MUC17: variants seen among roughly 807,000 people sequenced by gnomAD.
MUC17 encodes mucin-17.
In MUC17, 190 loss-of-function variants were observed where a neutral mutation model predicts 170.3. The ratio of observed to expected loss-of-function variants is 1.12; its 90% CI spans 0.99 to 1.26. The LOEUF (loss-of-function observed/expected upper bound fraction) is 1.26, where lower values mean the gene tolerates loss of function less well. Among genes scored for constraint, MUC17 ranks in the 50% most tolerant of loss-of-function variants. The pLI, the probability that MUC17 is intolerant of heterozygous loss-of-function variation, is 0.00. For missense variants in MUC17, 6,415 were observed against 5,530.0 expected (o/e 1.16, Z -5.08); for synonymous variants, 2,325 against 2,002.5 (o/e 1.16, Z -4.30).
At chr7:101,048,681 G>C (rs999322571) in intron 4 of MUC17, among the ~76,000 whole-genome samples, 164 bp from the exon 5 acceptor site, 38 of 151,874 alleles carry the variant, frequency 2.5e-4, no homozygotes, top group African/African-American at 9.2e-4. Context: ...TGAATAAAAA[G>C]GAAAGAAAAG....
In MUC17 at chr7:101,041,475, C is replaced by T. The variant is rs780193201; in HGVS notation, c.10059C>T (p.Val3353=). The change falls in exon 3 of 13, where the codon GTC becomes GTT. Residue 3353 remains valine (V), a synonymous_variant. Transcript: ENST00000306151. ...TGTCTTTCAGCACCACGCCAGTGGT[C>T]AGTTCTGAGGCTAGCACCCTTTCCA... ...TNMSFSTTPV[V]SSEASTLSTT... 2 of 1,614,084 alleles carry T rather than the reference C, an allele frequency of 1.2e-6. No homozygotes were observed. Among genetic ancestry groups the T allele is most frequent in the South Asian group, 2.2e-5 (2 of 91,076 alleles).
chr7:101,035,898 A>T lies in MUC17; in HGVS notation c.4482A>T (p.Ser1494=). ...SPVVTSTAVS[S]SPTPAEGTSI... ...TGGTCACTTCTACAGCAGTCAGTTC[A>T]TCTCCTACACCTGCTGAAGGTACCA... Residue 1494 remains serine (S), a synonymous_variant, in exon 3 of 13, where the codon TCA becomes TCT. Transcript: ENST00000306151. The T allele has an allele frequency of 6.2e-7, 1 of 1,611,884 alleles. No individual in the cohort carries two copies. Among genetic ancestry groups the T allele is most frequent in the Non-Finnish European group, 8.5e-7 (1 of 1,178,828 alleles).
chr7:101,056,371 T>C (rs1307687156), intron 12 of MUC17, 101 bp downstream of exon 12: 1 of 1,518,160 alleles, frequency 6.6e-7, no homozygotes, highest in Non-Finnish European at 8.9e-7. Context: ...GAACCATGTT[T>C]ACAGTTTATT....
rs879200163 is a variant in MUC17 at position 101,038,590 on chromosome 7, T to C, written c.7174T>C (p.Tyr2392His). Residue 2392 changes from tyrosine (Y) to histidine (H), a missense_variant, in exon 3 of 13, where the codon TAT becomes CAT. Coordinates refer to ENST00000306151, the MANE Select transcript of MUC17 (RefSeq NM_001040105.2). ...CGATACTAGCATGCCAACCTCAACT[T>C]ATAGTGAAGGAAGCACTCCACTAAC... The part of the protein sequence containing the change: ...ADDTSMPTST[Y>H]SEGSTPLTSV... 5.9e-5 allele frequency: 95 copies of C among 1,612,996 alleles called. No homozygotes were observed. Among genetic ancestry groups the C allele is most frequent in the Non-Finnish European group, 7.5e-5 (88 of 1,179,776 alleles).
Position 101,053,452 on chromosome 7 carries a change from T to C in MUC17, c.13363+16T>C, listed in dbSNP as rs1037634069. 4.8e-5 allele frequency: 77 copies of C among 1,603,636 alleles called. No individual in the cohort carries two copies. The highest frequency in any genetic ancestry group is 6.3e-5 in the Non-Finnish European group (74 of 1,171,346). On this transcript the variant is annotated intron_variant, in intron 11 of 12. Transcript: ENST00000306151. The stretch of plus-strand genomic sequence containing the variant: ...ATCTGCCAAGGTATTGGCCTTCCTC[T>C]CTGAACTCAGAATGGCTCAAAATGT...
At chr7:101,022,748 C>T (rs991911065) in intron 1 of MUC17, among the ~76,000 whole-genome samples, 16 of 151,858 alleles carry the variant, frequency 1.1e-4, no homozygotes, top group African/African-American at 3.9e-4. Context: ...CCTGGGAGGT[C>T]GAGGCTGCAG....
chr7:101,020,452 C>T (rs1179360061), intron 1 of MUC17, among the ~76,000 whole-genome samples: 1 of 152,162 alleles, frequency 6.6e-6, no homozygotes, highest in Admixed American at 6.5e-5. Context: ...CCTTAGTTTC[C>T]CCTTCCGAGC....
chr7:101,045,829 G>A (rs756101887), intron 3 of MUC17, among the ~76,000 whole-genome samples: 2 of 152,192 alleles, frequency 1.3e-5, no homozygotes, highest in East Asian at 1.9e-4. Context: ...AGGAAGCCTC[G>A]TAGGTGTCTC....
intron 1 of MUC17, among the ~76,000 whole-genome samples, chr7:101,029,000 C>G (rs767524000): frequency 2.0e-5 from 3 of 151,976 alleles, no homozygotes; most frequent in Non-Finnish European, 2.9e-5. Flanking sequence ...CCAGCCTGAC[C>G]AACGTGGAGA....
rs1794455837 is a variant in MUC17, at chr7:101,035,763, T to G, written c.4347T>G (p.Thr1449=). Residue 1449 remains threonine (T), a synonymous_variant, in exon 3 of 13, where the codon ACT becomes ACG. Coordinates refer to ENST00000306151, the MANE Select transcript of MUC17 (RefSeq NM_001040105.2). ...AAGGTATCAGCATACCAACCTCAAC[T>G]CCTAGTGAAGGAAAGACTCCATTAA... is the stretch of plus-strand genomic sequence containing the variant. The part of the protein sequence containing the change: ...TAEGISIPTS[T]PSEGKTPLKS... 5.6e-6 allele frequency: 9 copies of G among 1,610,488 alleles called. No individual in the cohort carries two copies. The East Asian group carries it at 1.6e-4, about 28-fold the overall frequency.
intron 3 of MUC17, among the ~76,000 whole-genome samples, chr7:101,046,294 G>C (rs1251766929): frequency 1.3e-5 from 2 of 152,102 alleles, no homozygotes; most frequent in Non-Finnish European, 2.9e-5. Flanking sequence ...TACATACCTC[G>C]TGCACTTCCC....
At position 101,037,191 on chromosome 7, in the gene MUC17, G is replaced by A. The variant is rs780248745; in HGVS notation, c.5775G>A (p.Arg1925=). 3 of 1,561,498 alleles carry A rather than the reference G, an allele frequency of 1.9e-6. No individual in the cohort carries two copies. The highest frequency in any genetic ancestry group is 2.4e-5 in the South Asian group (2 of 83,190). The part of the protein sequence containing the change: ...SMPTSTPREG[R]PPLTSIPVST... ...CAACCTCAACTCCTAGGGAAGGAAG[G>A]CCTCCATTAACAAGTATACCTGTCA... The change falls in exon 3 of 13, where the codon AGG becomes AGA. Residue 1925 remains arginine, a synonymous_variant. Transcript: ENST00000306151.
At position 101,049,378 on chromosome 7, in the gene MUC17, C is replaced by G; in HGVS notation, c.12718C>G (p.Leu4240Val). Residue 4240 changes from leucine (L) to valine (V), a missense_variant, in exon 6 of 13, where the codon CTA becomes GTA. Transcript: ENST00000306151. ...GTATGTCGGGGTGAACATCACAAAGCTACGGTAAGTGTCTGGGCCCTTGGG... is the reference window on the plus strand; with the variant it reads ...GTATGTCGGGGTGAACATCACAAAGGTACGGTAAGTGTCTGGGCCCTTGGG... ...PEYVGVNITK[L>V]RLGSVVVEHD... 6.2e-7 allele frequency: 1 copy of G among 1,612,232 alleles called. No homozygotes were observed. The highest frequency in any genetic ancestry group is 8.5e-7 in the Non-Finnish European group (1 of 1,179,082).
Position 101,036,810 on chromosome 7 carries a change from A to T in MUC17, c.5394A>T (p.Ile1798=). The T allele has an allele frequency of 6.2e-7, 1 of 1,605,114 alleles. No homozygotes were observed. Among genetic ancestry groups the T allele is most frequent in the Non-Finnish European group, 8.5e-7 (1 of 1,175,530 alleles). Residue 1798 remains isoleucine, a synonymous_variant, in exon 3 of 13, where the codon ATA becomes ATT. Transcript: ENST00000306151. ...CTACAACTGCTGAAGGTACCAGCAT[A>T]CCAACCTCGACTCTTAGTGAAGGAA... ...SSPTTAEGTS[I]PTSTLSEGMT... is the part of the protein sequence containing the mutation.
chr7:101,035,732 C>T lies in MUC17; in HGVS notation c.4316C>T (p.Thr1439Ile), dbSNP rs1161904731. The change falls in exon 3 of 13, where the codon ACT (threonine) becomes ATT (isoleucine). Residue 1439 changes from threonine to isoleucine, a missense_variant. Thr to Ile is a moderately conservative substitution (Grantham distance 89). Coordinates refer to ENST00000306151, the MANE Select transcript of MUC17 (RefSeq NM_001040105.2). The stretch of plus-strand genomic sequence containing the variant: ...GCTGAAGCCACTTCATCTCCTACAA[C>T]TGCTGAAGGTATCAGCATACCAACC... Reference protein sequence around the residue: ...TSAEATSSPTTAEGISIPTST... With the variant: ...TSAEATSSPTIAEGISIPTST... 2 of 1,610,730 alleles carry T rather than the reference C, an allele frequency of 1.2e-6. No homozygotes were observed. The highest frequency in any genetic ancestry group is 1.7e-5 in the Admixed American group (1 of 59,888).
rs201778972 is a variant in MUC17, at chr7:101,049,418, C to T, written c.12722+36C>T. 1.2e-4 allele frequency: 187 copies of T among 1,594,794 alleles called. No homozygotes were observed. The East Asian group carries it at 2.2e-3, about 19-fold the overall frequency. On this transcript the variant is annotated intron_variant, in intron 6 of 12. Coordinates refer to ENST00000306151, the MANE Select transcript of MUC17 (RefSeq NM_001040105.2). Reference sequence around the variant, plus strand: ...GGGCCCTTGGGAAGAGGGTCTGTGGCGTGGAAGCAGTGGTCATAGTTATAA... The same window carrying T: ...GGGCCCTTGGGAAGAGGGTCTGTGGTGTGGAAGCAGTGGTCATAGTTATAA...
chr7:101,037,283 C>T lies in MUC17; in HGVS notation c.5867C>T (p.Pro1956Leu). ...ACAACTCTTGCTGACACCAGGACAC[C>T]TGTGACCACTTATTCTCAAGCCAGT... is the stretch of plus-strand genomic sequence containing the variant. Reference protein sequence around the residue: ...LSTTLADTRTPVTTYSQASSS... With the variant: ...LSTTLADTRTLVTTYSQASSS... Residue 1956 changes from proline to leucine, a missense_variant, in exon 3 of 13, where the codon CCT becomes CTT. Coordinates refer to ENST00000306151, the MANE Select transcript of MUC17 (RefSeq NM_001040105.2). 1 of 1,613,120 alleles carries T rather than the reference C, an allele frequency of 6.2e-7. No homozygotes were observed. The highest frequency in any genetic ancestry group is 8.5e-7 in the Non-Finnish European group (1 of 1,179,384).
Position 101,039,596 on chromosome 7 carries a change from C to T in MUC17, c.8180C>T (p.Ala2727Val). ...VDTSTPVTTS[A>V]EASSSPTTAE... ...ACCAGCACACCTGTCACCACTTCTG[C>T]TGAAGCCAGTTCTTCTCCTACAACT... Residue 2727 changes from alanine to valine, a missense_variant, in exon 3 of 13, where the codon GCT becomes GTT. Transcript: ENST00000306151. 1.2e-6 allele frequency: 2 copies of T among 1,612,698 alleles called. No homozygotes were observed. The highest frequency in any genetic ancestry group is 1.7e-6 in the Non-Finnish European group (2 of 1,179,260).
chr7:101,023,309 A>C (rs2116386615), intron 1 of MUC17, among the ~76,000 whole-genome samples: 1 of 152,318 alleles, frequency 6.6e-6, no homozygotes, highest in East Asian at 1.9e-4. Flanking sequence ...AGTTCAGCTC[A>C]CAACAGAAAG....
Sources: gnomAD v4.1 joint callset for allele counts (sites outside exome capture counted in the v4.1 genomes callset) on GRCh38, gnomAD v4.1.1 for gene constraint, MANE v1.5 for transcripts, NCBI Gene and HGNC (gene_info 2026-07-23, HGNC 2026-07-21) for gene names.